Variants in EXOC4 observed in about 807,000 individuals in gnomAD.
The protein encoded by EXOC4 is SEC8-like 1.
In EXOC4, 71 loss-of-function variants were observed where a neutral mutation model predicts 107.2. The ratio of observed to expected loss-of-function variants is 0.66; its 90% CI spans 0.55 to 0.81. The LOEUF is 0.81. Ranked by LOEUF, EXOC4 falls within the 30% of genes least tolerant of loss-of-function variation. The probability of loss-of-function intolerance (pLI) is 0.00; values close to 1 mark genes in which losing one functional copy is unlikely to be tolerated. For missense variants in EXOC4, 1,108 were observed against 1,189.6 expected (o/e 0.93, Z 1.01); for synonymous variants, 456 against 441.2 (o/e 1.03, Z -0.42).
At chr7:133,526,201 T>C (rs1328585018) in intron 9 of EXOC4, among the ~76,000 whole-genome samples, 2 of 152,232 alleles carry the variant, frequency 1.3e-5, no homozygotes, top group African/African-American at 2.4e-5. Context: ...TACCAGGCTG[T>C]TGAGAAATTC....
At chr7:133,524,178 AT>A (rs1800034197) in intron 9 of EXOC4, among the ~76,000 whole-genome samples, 1 of 115,828 alleles carries the variant, frequency 8.6e-6, no homozygotes, top group Non-Finnish European at 1.8e-5. Flanking sequence ...TTTGATTTGC[AT>A]TTCTCTGATG....
intron 5 of EXOC4, among the ~76,000 whole-genome samples, chr7:133,354,147 C>A (rs1795972953): frequency 6.6e-6 from 1 of 151,322 alleles, no homozygotes; most frequent in African/African-American, 2.4e-5. Context: ...GGGACAGTTT[C>A]TGTTGATTTA....
intron 11 of EXOC4, among the ~76,000 whole-genome samples, chr7:133,834,327 A>G (rs773959197): frequency 3.9e-5 from 6 of 152,122 alleles, no homozygotes; most frequent in African/African-American, 1.4e-4. Context: ...CTCATTACAG[A>G]CACCCCTTCC....
At chr7:133,835,653 C>T (rs1179719319) in intron 11 of EXOC4, among the ~76,000 whole-genome samples, 1 of 152,190 alleles carries the variant, frequency 6.6e-6, no homozygotes, top group African/African-American at 2.4e-5. Context: ...TTTCCTTTCA[C>T]ATAGTTTAGT....
chr7:133,694,854 C>T (rs954345701), intron 10 of EXOC4, among the ~76,000 whole-genome samples: 2 of 152,130 alleles, frequency 1.3e-5, no homozygotes, highest in African/African-American at 4.8e-5. Flanking sequence ...ATCATCTTCC[C>T]TTCCCACTAC....
intron 9 of EXOC4, among the ~76,000 whole-genome samples, chr7:133,585,029 T>C (rs2432636): frequency 0.87 from 132,454 of 152,226 alleles, 57,758 homozygotes; most frequent in Admixed American, 0.89. Context: ...TTTATTTTTT[T>C]GAATGTAAAT....
intron 9 of EXOC4, among the ~76,000 whole-genome samples, chr7:133,538,572 A>G (rs1463936594): frequency 1.3e-5 from 2 of 152,048 alleles, no homozygotes; most frequent in Non-Finnish European, 2.9e-5. Context: ...TCTCAGTACT[A>G]TGGGAGGCTG....
intron 7 of EXOC4, among the ~76,000 whole-genome samples, chr7:133,456,367 C>G (rs1265498406): frequency 6.6e-6 from 1 of 152,158 alleles, no homozygotes; most frequent in Non-Finnish European, 1.5e-5. Context: ...TATATCTCCA[C>G]TGTGTGAAAG....
chr7:133,692,164 C>T (rs960756330), intron 10 of EXOC4, among the ~76,000 whole-genome samples: 10 of 152,052 alleles, frequency 6.6e-5, no homozygotes, highest in African/African-American at 1.9e-4. Flanking sequence ...ACTACCTTAG[C>T]GCCAATAAAC....
intron 9 of EXOC4, among the ~76,000 whole-genome samples, chr7:133,620,312 C>T (rs1336936214): frequency 6.6e-6 from 1 of 152,104 alleles, no homozygotes; most frequent in African/African-American, 2.4e-5. Flanking sequence ...CAGGTGTGAG[C>T]CACCGGGCCC....
chr7:133,552,185 CAG>C (rs777731588), intron 9 of EXOC4, among the ~76,000 whole-genome samples: 1 of 152,158 alleles, frequency 6.6e-6, no homozygotes, highest in South Asian at 2.1e-4. Flanking sequence ...ATTTCAGAAA[CAG>C]AGAAAGAAAA....
chr7:133,994,537 G>A (rs936016819), intron 14 of EXOC4, among the ~76,000 whole-genome samples: 8 of 152,062 alleles, frequency 5.3e-5, no homozygotes, highest in African/African-American at 1.9e-4. Flanking sequence ...ATAAAAGATG[G>A]CATGCTTTAT....
rs564800106 is a variant in EXOC4, at chr7:134,018,559, C to G, written c.2687+10724C>G. ...TGTGGCCAGCACTCCGCTCAAGGAC[C>G]TTTTGTTCTCTGAAACCTTCTCCAA... On this transcript the variant is annotated intron_variant, in intron 17 of 17. Transcript: ENST00000253861. Among the ~76,000 whole-genome samples the G allele has an allele frequency of 3.3e-5, 5 of 152,302 alleles. No individual in the cohort carries two copies. In the South Asian group the frequency reaches 1.0e-3, roughly 32 times the overall value.
At chr7:133,603,379 A>G (rs6954842) in intron 9 of EXOC4, among the ~76,000 whole-genome samples, 95,209 of 152,094 alleles carry the variant, frequency 0.63, 30,956 homozygotes, top group South Asian at 0.72. Flanking sequence ...ATCATTTCTC[A>G]CTCAAAGATG....
At chr7:133,703,306 G>A (rs918279381) in intron 10 of EXOC4, among the ~76,000 whole-genome samples, 5 of 152,134 alleles carry the variant, frequency 3.3e-5, no homozygotes, top group African/African-American at 9.7e-5. Flanking sequence ...TTGCTACGTT[G>A]CTGCTAGCAT....
chr7:133,667,527 C>T (rs1324446900), intron 10 of EXOC4, among the ~76,000 whole-genome samples: 1 of 152,080 alleles, frequency 6.6e-6, no homozygotes, highest in East Asian at 1.9e-4. Context: ...TTATTGAGCC[C>T]GTGTGGAGTG....
intron 10 of EXOC4, among the ~76,000 whole-genome samples, chr7:133,720,919 A>G (rs1300940339): frequency 2.6e-5 from 4 of 152,202 alleles, no homozygotes; most frequent in Non-Finnish European, 1.5e-5. Context: ...CTTTTGAGCT[A>G]GGTTATAATA....
At chr7:133,253,459 C>A in intron 1 of EXOC4, 3 of 1,192,794 alleles carry the variant, frequency 2.5e-6, no homozygotes, top group Non-Finnish European at 3.1e-6. Context: ...CCAAAGCACG[C>A]TATTTGGGTT....
chr7:133,391,225 G>A (rs927076158), intron 7 of EXOC4, among the ~76,000 whole-genome samples: 2 of 152,176 alleles, frequency 1.3e-5, no homozygotes, highest in Non-Finnish European at 2.9e-5. Flanking sequence ...AAAATCCACT[G>A]CTTTGGATAT....
Sources: gnomAD v4.1 joint callset for allele counts (sites outside exome capture counted in the v4.1 genomes callset) on GRCh38, gnomAD v4.1.1 for gene constraint, MANE v1.5 for transcripts, NCBI Gene and HGNC (gene_info 2026-07-23, HGNC 2026-07-21) for gene names.